Variants in HEMK2 observed in about 807,000 individuals in gnomAD.
HEMK2 encodes the protein methyltransferase HEMK2.
the HEMK2 span, among the ~76,000 whole-genome samples, chr21:28,780,456 C>T: frequency 1.1e-5 from 1 of 94,366 alleles, no homozygotes; most frequent in Non-Finnish European, 1.8e-5. Flanking sequence ...GGATTACAGG[C>T]GCGAGCCACC....
At chr21:28,774,447 G>T in the HEMK2 span, among the ~76,000 whole-genome samples, 1 of 152,082 alleles carries the variant, frequency 6.6e-6, no homozygotes, top group Non-Finnish European at 1.5e-5. Context: ...AATTAGCCAG[G>T]TGTGGTGGCA....
the HEMK2 span, among the ~76,000 whole-genome samples, chr21:28,710,598 C>T: frequency 6.6e-6 from 1 of 152,160 alleles, no homozygotes; most frequent in Non-Finnish European, 1.5e-5. Context: ...ACATTAAATC[C>T]TCCACAAATC....
the HEMK2 span, among the ~76,000 whole-genome samples, chr21:28,581,237 T>C: frequency 6.6e-6 from 1 of 151,684 alleles, no homozygotes; most frequent in East Asian, 1.9e-4. Flanking sequence ...TTTTTTTTTT[T>C]TAAACAGCTA....
chr21:28,841,059 TATAA>T, the HEMK2 span, among the ~76,000 whole-genome samples: 7 of 49,398 alleles, frequency 1.4e-4, 2 homozygotes, highest in Admixed American at 3.4e-4. Context: ...AAATATTATA[TATAA>T]ATAAATATTA....
the HEMK2 span, among the ~76,000 whole-genome samples, chr21:28,681,849 T>C: frequency 2.0e-5 from 3 of 152,212 alleles, no homozygotes; most frequent in Non-Finnish European, 4.4e-5. Flanking sequence ...GCTAGCCATA[T>C]GTAGAAAGCT....
chr21:28,883,312 T>A, the HEMK2 span, among the ~76,000 whole-genome samples: 1 of 152,200 alleles, frequency 6.6e-6, no homozygotes, highest in Non-Finnish European at 1.5e-5. Flanking sequence ...TTACCAAACA[T>A]GGCTTTCAGT....
chr21:28,700,830 A>AACACACAC, the HEMK2 span, among the ~76,000 whole-genome samples: 299 of 150,866 alleles, frequency 2.0e-3, 1 homozygote, highest in East Asian at 0.012. Context: ...AGCTTGCAGA[A>AACACACAC]ACACACACAC....
the HEMK2 span, among the ~76,000 whole-genome samples, chr21:28,771,521 C>CCCCCCCCCCCCCCCCCCCCA: frequency 1.5e-5 from 2 of 131,554 alleles, no homozygotes; most frequent in East Asian, 2.6e-4. Context: ...ATGCACCACC[C>CCCCCCCCCCCCCCCCCCCCA]CCCCCCGCCA....
chr21:28,802,397 A>G, the HEMK2 span, among the ~76,000 whole-genome samples: 3 of 152,150 alleles, frequency 2.0e-5, no homozygotes, highest in Non-Finnish European at 2.9e-5. Context: ...AACTAATAAT[A>G]CCAGTTACAT....
chr21:28,631,511 C>A, the HEMK2 span, among the ~76,000 whole-genome samples: 2 of 152,000 alleles, frequency 1.3e-5, no homozygotes, highest in African/African-American at 2.4e-5. Flanking sequence ...GTAGTAGAAA[C>A]CCTGACAAAA....
the HEMK2 span, among the ~76,000 whole-genome samples, chr21:28,848,237 T>C: frequency 6.6e-6 from 1 of 152,214 alleles, no homozygotes. Context: ...ACAATATTGA[T>C]TCTTCCTATC....
At chr21:28,698,509 C>T in the HEMK2 span, among the ~76,000 whole-genome samples, 4 of 151,684 alleles carry the variant, frequency 2.6e-5, no homozygotes, top group South Asian at 2.1e-4. Flanking sequence ...CCCCCTCAAG[C>T]GGAGAGATTC....
At chr21:28,876,944 T>C in the HEMK2 span, among the ~76,000 whole-genome samples, 1 of 145,820 alleles carries the variant, frequency 6.9e-6, no homozygotes, top group Non-Finnish European at 1.5e-5. Context: ...AAAACCTTCC[T>C]TATAAATAAA....
the HEMK2 span, among the ~76,000 whole-genome samples, chr21:28,823,240 T>C: frequency 6.6e-6 from 1 of 152,154 alleles, no homozygotes; most frequent in Non-Finnish European, 1.5e-5. Flanking sequence ...CCAAAGGCTT[T>C]TGACAGTTTT....
the HEMK2 span, among the ~76,000 whole-genome samples, chr21:28,695,991 G>T: frequency 0.017 from 2,534 of 151,980 alleles, 71 homozygotes; most frequent in African/African-American, 0.056. Context: ...TATATATAAA[G>T]GTTGAAGGAA....
the HEMK2 span, among the ~76,000 whole-genome samples, chr21:28,721,932 A>T: frequency 6.8e-6 from 1 of 146,286 alleles, no homozygotes; most frequent in Admixed American, 6.8e-5. Flanking sequence ...ACACACACAC[A>T]CACACATACA....
At chr21:28,774,688 T>C in the HEMK2 span, among the ~76,000 whole-genome samples, 1 of 152,218 alleles carries the variant, frequency 6.6e-6, no homozygotes, top group African/African-American at 2.4e-5. Flanking sequence ...ATTCCTTCTC[T>C]CTAGTGATAT....
the HEMK2 span, among the ~76,000 whole-genome samples, chr21:28,854,790 T>C: frequency 2.6e-5 from 4 of 152,230 alleles, no homozygotes; most frequent in Non-Finnish European, 5.9e-5. Flanking sequence ...CCCATCCAGA[T>C]TGGGGTTGGG....
the HEMK2 span, among the ~76,000 whole-genome samples, chr21:28,752,135 C>A: frequency 1.3e-5 from 2 of 152,162 alleles, no homozygotes; most frequent in Middle Eastern, 3.2e-3. Context: ...AGTCATGAAA[C>A]CAGTTTTTAA....
Sources: gnomAD v4.1 joint callset for allele counts (sites outside exome capture counted in the v4.1 genomes callset) on GRCh38, gnomAD v4.1.1 for gene constraint, MANE v1.5 for transcripts, NCBI Gene and HGNC (gene_info 2026-07-23, HGNC 2026-07-21) for gene names.